The following SPON1 variants were observed in gnomAD, a reference collection of about 807,000 sequenced individuals.
The protein encoded by SPON1 is spondin-1.
In SPON1, 52 loss-of-function variants were observed where a neutral mutation model predicts 111.7. The observed-to-expected ratio is 0.47, with a 90% confidence interval of 0.37 to 0.59. The LOEUF is 0.59. Among genes scored for constraint, SPON1 ranks in the 20% least tolerant of loss-of-function variants. SPON1 has a pLI of 0.00. For synonymous variants in SPON1, 410 were observed against 395.8 expected, an observed-to-expected ratio of 1.04 and a Z score of -0.43; for missense variants, 957 against 1,068.5, an observed-to-expected ratio of 0.90 and a Z score of 1.46.
intron 6 of SPON1, among the ~76,000 whole-genome samples, chr11:14,184,292 AC>A (rs1448048666): frequency 6.6e-6 from 1 of 152,180 alleles, no homozygotes; most frequent in African/African-American, 2.4e-5. Context: ...GATTGCAATT[AC>A]CATTTGGCTC....
chr11:14,213,622 T>C (rs1281688986), intron 6 of SPON1, among the ~76,000 whole-genome samples: 3 of 152,218 alleles, frequency 2.0e-5, no homozygotes, highest in South Asian at 4.1e-4. Flanking sequence ...TACAAAGCTA[T>C]ATGCTATTAA....
intron 3 of SPON1, among the ~76,000 whole-genome samples, chr11:14,045,288 G>A (rs551066241): frequency 3.1e-4 from 47 of 152,204 alleles, no homozygotes; most frequent in African/African-American, 1.0e-3. Context: ...TGATTTACAC[G>A]GCCGGGCGTG....
At position 14,254,632 on chromosome 11, in the gene SPON1, CAGA is replaced by C. The variant is rs1254794640; in HGVS notation, c.999_1001del (p.Glu333del). Reference sequence around the variant, plus strand: ...CCCGACTGGAACGTAGGCTTATCTGCAGAAGATCTGTGCACCAAGGAATGTGGC... The same window carrying C: ...CCCGACTGGAACGTAGGCTTATCTGCAGATCTGTGCACCAAGGAATGTGGC... On this transcript the variant is annotated inframe_deletion, in exon 8 of 16. Coordinates refer to ENST00000576479, the MANE Select transcript of SPON1 (RefSeq NM_006108.4). 6.2e-7 allele frequency: 1 copy of C among 1,614,040 alleles called. No homozygotes were observed. The highest frequency in any genetic ancestry group is 8.5e-7 in the Non-Finnish European group (1 of 1,179,904).
chr11:14,148,373 C>G (rs534201100), intron 6 of SPON1, among the ~76,000 whole-genome samples: 1 of 151,982 alleles, frequency 6.6e-6, no homozygotes. Flanking sequence ...TTGCGGAAAA[C>G]GAAGAGAGGG....
In SPON1 at chr11:14,261,053, C is replaced by G. The variant is rs959054684; in HGVS notation, c.1996+301C>G. On this transcript the variant is annotated intron_variant, in intron 14 of 15. Coordinates refer to ENST00000576479, the MANE Select transcript of SPON1 (RefSeq NM_006108.4). ...AACCTTAGTTCTTTCCCTCCTCTCCCCCAACAATTATAGGCTTGCCTGACC... is the reference window on the plus strand; with the variant it reads ...AACCTTAGTTCTTTCCCTCCTCTCCGCCAACAATTATAGGCTTGCCTGACC... Among the ~76,000 whole-genome samples the G allele has an allele frequency of 3.3e-5, 5 of 152,266 alleles. No homozygotes were observed. The South Asian group carries it at 1.0e-3, about 32-fold the overall frequency.
At chr11:14,046,730 T>C (rs1848670889) in intron 3 of SPON1, among the ~76,000 whole-genome samples, 1 of 152,222 alleles carries the variant, frequency 6.6e-6, no homozygotes. Flanking sequence ...AATCATAGAA[T>C]AAGTTTGTTG....
chr11:14,063,504 G>C (rs1335419333), intron 3 of SPON1, among the ~76,000 whole-genome samples: 5 of 152,066 alleles, frequency 3.3e-5, no homozygotes, highest in Non-Finnish European at 5.9e-5. Flanking sequence ...TTAGGAAACA[G>C]GACAGATCAT....
Position 14,260,741 on chromosome 11 carries a change from T to G in SPON1, c.1985T>G (p.Leu662Arg), listed in dbSNP as rs1849162143. 6.2e-7 allele frequency: 1 copy of G among 1,613,656 alleles called. No individual in the cohort carries two copies. The highest frequency in any genetic ancestry group is 1.3e-5 in the African/African-American group (1 of 75,024). Residue 662 changes from leucine (L) to arginine (R), a missense_variant, in exon 14 of 16, where the codon CTC (leucine) becomes CGC (arginine). Transcript: ENST00000576479. ...CTGGAGCAGGTGGAGAAGTGCATGC[T>G]CCCTGAATGCCGTAAGTCCTGGAGC... ...EDLEQVEKCMLPECPIDCELT... is the reference protein window; with the variant it reads ...EDLEQVEKCMRPECPIDCELT...
chr11:14,100,371 T>C (rs1272944582), intron 5 of SPON1, among the ~76,000 whole-genome samples: 1 of 151,778 alleles, frequency 6.6e-6, no homozygotes, highest in Non-Finnish European at 1.5e-5. Context: ...CATTTCTGAT[T>C]GTACTTTCTC....
At chr11:14,071,878 T>C (rs1281541033) in intron 3 of SPON1, among the ~76,000 whole-genome samples, 1 of 152,106 alleles carries the variant, frequency 6.6e-6, no homozygotes, top group Admixed American at 6.6e-5. Context: ...TTTGTATTTT[T>C]GGTAGAGATG....
intron 15 of SPON1, among the ~76,000 whole-genome samples, chr11:14,263,653 A>C (rs1170573599): frequency 2.6e-5 from 4 of 152,218 alleles, no homozygotes; most frequent in Non-Finnish European, 5.9e-5. Context: ...ATCATCTTAC[A>C]TTGACTGGAG....
intron 6 of SPON1, among the ~76,000 whole-genome samples, chr11:14,211,801 T>G (rs1201131579): frequency 1.3e-5 from 2 of 152,192 alleles, no homozygotes; most frequent in African/African-American, 4.8e-5. Context: ...ACTGGTTGAT[T>G]TAGTTCCAGG....
At chr11:14,014,846 G>A (rs1554914148) in intron 2 of SPON1, among the ~76,000 whole-genome samples, 1 of 152,130 alleles carries the variant, frequency 6.6e-6, no homozygotes, top group African/African-American at 2.4e-5. Flanking sequence ...AATAGTACAT[G>A]CATGCTATAA....
chr11:14,222,731 G>A (rs1380349806), intron 6 of SPON1, among the ~76,000 whole-genome samples: 1 of 152,152 alleles, frequency 6.6e-6, no homozygotes, highest in Non-Finnish European at 1.5e-5. Context: ...TAACATGCTA[G>A]TAAACATTTA....
At chr11:14,036,336 G>A (rs1447379715) in intron 2 of SPON1, among the ~76,000 whole-genome samples, 3 of 152,310 alleles carry the variant, frequency 2.0e-5, no homozygotes, top group Non-Finnish European at 4.4e-5. Flanking sequence ...ATGTAGCTTA[G>A]TCCAGGGTAA....
chr11:14,006,507 C>T (rs570094727), intron 2 of SPON1, among the ~76,000 whole-genome samples: 92 of 152,292 alleles, frequency 6.0e-4, no homozygotes, highest in Non-Finnish European at 1.1e-3. Flanking sequence ...ATGCCACAGA[C>T]ATCAAAGAGC....
intron 1 of SPON1, among the ~76,000 whole-genome samples, chr11:13,982,166 A>ATATGTATGTATGTATG (rs60172146): frequency 2.5e-3 from 375 of 151,088 alleles, no homozygotes; most frequent in Middle Eastern, 6.8e-3. Flanking sequence ...AAACTTTATC[A>ATATGTATGTATGTATG]TATGTATGTA....
At chr11:14,202,889 T>C (rs1293527592) in intron 6 of SPON1, among the ~76,000 whole-genome samples, 3 of 152,146 alleles carry the variant, frequency 2.0e-5, no homozygotes, top group African/African-American at 7.2e-5. Flanking sequence ...GCCCTGTTCT[T>C]TACAGATTCA....
intron 1 of SPON1, among the ~76,000 whole-genome samples, chr11:13,976,950 A>G (rs538941289): frequency 5.9e-5 from 9 of 152,300 alleles, no homozygotes; most frequent in African/African-American, 1.2e-4. Context: ...AAATGTAATC[A>G]TACCATTTGT....
Sources: allele counts gnomAD v4.1 joint callset (sites outside exome capture counted in the v4.1 genomes callset), GRCh38; gene constraint gnomAD v4.1.1; transcripts MANE v1.5; gene names NCBI Gene and HGNC (gene_info 2026-07-23, HGNC 2026-07-21).